Variants in WBP1L observed in about 807,000 individuals in gnomAD.
The protein encoded by WBP1L is WW domain binding protein 1 like.
Under a neutral mutation model 33.7 loss-of-function variants are expected in WBP1L, and 17 were observed. The observed-to-expected ratio is 0.50, with a 90% CI of 0.34 to 0.76. The LOEUF is 0.76. WBP1L is among the 30% of genes least tolerant of loss of function. The probability of loss-of-function intolerance (pLI) is 0.01; values close to 1 mark genes in which losing one functional copy is unlikely to be tolerated. For synonymous variants in WBP1L, 173 were observed against 190.8 expected (o/e 0.91, Z 0.77); for missense variants, 389 against 469.4 (o/e 0.83, Z 1.58).
At chr10:102,790,864 T>G (rs1843487862) in intron 1 of WBP1L, among the ~76,000 whole-genome samples, 1 of 151,866 alleles carries the variant, frequency 6.6e-6, no homozygotes, top group African/African-American at 2.4e-5. Flanking sequence ...GTAGATCTGT[T>G]CAGTTTTGTA....
intron 2 of WBP1L, among the ~76,000 whole-genome samples, chr10:102,807,680 C>CT (rs946821980): frequency 6.6e-6 from 1 of 151,968 alleles, no homozygotes; most frequent in African/African-American, 2.4e-5. Flanking sequence ...GCCATACGTA[C>CT]TTTTTTTAAG....
At chr10:102,769,069 C>T (rs375183822) in intron 1 of WBP1L, among the ~76,000 whole-genome samples, 2 of 152,200 alleles carry the variant, frequency 1.3e-5, no homozygotes, top group East Asian at 3.9e-4. Flanking sequence ...ACTACAACCT[C>T]AACTTCTTGG....
chr10:102,776,312 C>G, intron 1 of WBP1L: 2 of 1,613,228 alleles, frequency 1.2e-6, no homozygotes, highest in Admixed American at 3.3e-5. Flanking sequence ...ACAGGCCCAC[C>G]AGGGGCAATG....
intron 1 of WBP1L, among the ~76,000 whole-genome samples, chr10:102,795,628 C>T (rs1172281577): frequency 6.6e-6 from 1 of 152,216 alleles, no homozygotes; most frequent in Non-Finnish European, 1.5e-5. Flanking sequence ...TGTTCCGAGC[C>T]TGGGCTGCCT....
At chr10:102,768,371 G>GTTTTTTTT (rs1192088947) in intron 1 of WBP1L, among the ~76,000 whole-genome samples, 194 of 12,206 alleles carry the variant, frequency 0.016, 3 homozygotes, top group Non-Finnish European at 0.018. Flanking sequence ...TTAGTTTTTT[G>GTTTTTTTT]TTTTTTTTTT....
chr10:102,812,487 G>T, intron 3 of WBP1L, 108 bp from the exon 4 acceptor site: 1 of 1,305,034 alleles, frequency 7.7e-7, no homozygotes, highest in Non-Finnish European at 1.0e-6. Flanking sequence ...TCACTTGTTG[G>T]GTGCTCTGGG....
At chr10:102,771,517 T>A (rs572980649) in intron 1 of WBP1L, among the ~76,000 whole-genome samples, 24 of 151,554 alleles carry the variant, frequency 1.6e-4, no homozygotes, top group African/African-American at 5.6e-4. Context: ...ACAGAAAAAA[T>A]TTTAAATAAA....
chr10:102,796,784 G>A (rs1236545471), intron 1 of WBP1L, among the ~76,000 whole-genome samples: 1 of 152,218 alleles, frequency 6.6e-6, no homozygotes, highest in African/African-American at 2.4e-5. Flanking sequence ...TTAGAATGAA[G>A]AAATGTTGAA....
intron 1 of WBP1L, chr10:102,776,377 G>A (rs1291074035): frequency 2.5e-6 from 4 of 1,614,154 alleles, no homozygotes; most frequent in African/African-American, 1.3e-5. Context: ...TAGTGTGGAC[G>A]ATGCTCTTGC....
At chr10:102,786,471 C>A (rs1028783695) in intron 1 of WBP1L, among the ~76,000 whole-genome samples, 1 of 152,186 alleles carries the variant, frequency 6.6e-6, no homozygotes, top group African/African-American at 2.4e-5. Context: ...GATTTTCAGT[C>A]CCTGCCCCTA....
rs1564773807 is a variant in WBP1L, at chr10:102,815,517, CCAGGAGGAGGCTTTG to C, written c.*2191_*2205del. 1 of 152,268 alleles carries C rather than the reference CCAGGAGGAGGCTTTG, an allele frequency of 6.6e-6. No individual in the cohort carries two copies. The highest frequency in any genetic ancestry group is 1.5e-5 in the Non-Finnish European group (1 of 68,064). 9.4% of individuals were successfully genotyped at this position (152,268 alleles called of 1,614,324 possible). A position where few individuals can be genotyped will look rare whatever the true frequency, so the allele number is the denominator to read the frequency against. ...CAGACATCGGCCCTGCCCAGAATTGCCAGGAGGAGGCTTTGCAGGCTCTAGAGGAGCCGCAGGGCC... is the reference window on the plus strand; with the variant it reads ...CAGACATCGGCCCTGCCCAGAATTGCCAGGCTCTAGAGGAGCCGCAGGGCC... On this transcript the variant is annotated 3_prime_UTR_variant, in exon 4 of 4. Coordinates refer to ENST00000448841, the MANE Select transcript of WBP1L (RefSeq NM_001083913.2).
intron 1 of WBP1L, among the ~76,000 whole-genome samples, chr10:102,761,222 C>CTAGA (rs1243354389): frequency 6.6e-6 from 1 of 151,492 alleles, no homozygotes; most frequent in Non-Finnish European, 1.5e-5. Context: ...TCACTGCAGC[C>CTAGA]TCTACCTCCT....
At chr10:102,767,160 G>A (rs1843122041) in intron 1 of WBP1L, among the ~76,000 whole-genome samples, 1 of 152,170 alleles carries the variant, frequency 6.6e-6, no homozygotes, top group Non-Finnish European at 1.5e-5. Flanking sequence ...ATTGGTGAAG[G>A]CCCACTGACA....
chr10:102,782,074 G>A (rs1015922102), intron 1 of WBP1L, among the ~76,000 whole-genome samples: 6 of 152,202 alleles, frequency 3.9e-5, no homozygotes, highest in African/African-American at 1.4e-4. Flanking sequence ...CACCATGTTG[G>A]CCAGGTTGGT....
chr10:102,803,662 G>A (rs1426188833), intron 2 of WBP1L, among the ~76,000 whole-genome samples: 3 of 150,526 alleles, frequency 2.0e-5, no homozygotes, highest in African/African-American at 4.9e-5. Context: ...AGGCTGGAGT[G>A]CAGTGGCGCT....
rs1328933215 is a variant in WBP1L at position 102,793,183 on chromosome 10, G to A, written c.91-4810G>A. Reference sequence around the variant, plus strand: ...AAGCTAGGTGTGGTGGCTCATGCCTGTAACCCCAGCACTTTGGGAGGCCAA... The same window carrying A: ...AAGCTAGGTGTGGTGGCTCATGCCTATAACCCCAGCACTTTGGGAGGCCAA... On this transcript the variant is annotated intron_variant, in intron 1 of 3. Coordinates refer to ENST00000448841, the MANE Select transcript of WBP1L (RefSeq NM_001083913.2). Among the ~76,000 whole-genome samples the A allele has an allele frequency of 2.0e-5, 3 of 152,194 alleles. No individual in the cohort carries two copies. In the East Asian group the frequency reaches 5.8e-4, roughly 29 times the overall value.
At chr10:102,800,104 C>CT (rs1252106068) in intron 2 of WBP1L, among the ~76,000 whole-genome samples, 1 of 152,084 alleles carries the variant, frequency 6.6e-6, no homozygotes, top group Non-Finnish European at 1.5e-5. Context: ...GGCTGAGAAA[C>CT]TTACTAGAGG....
chr10:102,744,475 T>G, intron 1 of WBP1L: 1 of 985,236 alleles, frequency 1.0e-6, no homozygotes, highest in Non-Finnish European at 1.2e-6. Flanking sequence ...GGAGCAGGTG[T>G]CCCAGGCAGT....
At chr10:102,745,492 C>T (rs576276404) in intron 1 of WBP1L, among the ~76,000 whole-genome samples, 159 of 152,260 alleles carry the variant, frequency 1.0e-3, no homozygotes, top group Admixed American at 2.0e-3. Context: ...GGCAACCACC[C>T]GTCTGCTTTC....
Sources: gnomAD v4.1 joint callset for allele counts (sites outside exome capture counted in the v4.1 genomes callset) on GRCh38, gnomAD v4.1.1 for gene constraint, MANE v1.5 for transcripts, NCBI Gene and HGNC (gene_info 2026-07-23, HGNC 2026-07-21) for gene names.